Variants in CNTNAP2 observed in about 807,000 individuals in gnomAD.
CNTNAP2 encodes contactin associated protein 2.
In CNTNAP2, 98 loss-of-function variants were observed where a neutral mutation model predicts 155.2. The ratio of observed to expected loss-of-function variants is 0.63; its 90% confidence interval spans 0.54 to 0.75. The LOEUF (loss-of-function observed/expected upper bound fraction) is 0.75. CNTNAP2 is among the 30% of genes least tolerant of loss of function. The probability of loss-of-function intolerance (pLI) is 0.00; values close to 1 mark genes in which losing one functional copy is unlikely to be tolerated. For missense variants in CNTNAP2, 1,727 were observed against 1,688.1 expected (o/e 1.02, Z -0.40); for synonymous variants, 651 against 631.2 (o/e 1.03, Z -0.47).
In CNTNAP2 at chr7:146,235,718, T is replaced by G. The variant is rs529060568; in HGVS notation, c.97+118745T>G. On this transcript the variant is annotated intron_variant, in intron 1 of 23. Transcript: ENST00000361727. ...GCTGCGTGAGAAAACTCTCAGCCCG[T>G]TGGAAGTCAGGAGTGCACCACAGTG... 7.2e-5 allele frequency among the ~76,000 whole-genome samples: 11 copies of G among 152,176 alleles called. No individual in the cohort carries two copies. In the East Asian group the frequency reaches 2.1e-3, roughly 29 times the overall value.
intron 1 of CNTNAP2, among the ~76,000 whole-genome samples, chr7:146,148,471 C>A (rs917777444): frequency 3.7e-4 from 57 of 152,182 alleles, no homozygotes; most frequent in African/African-American, 1.3e-3. Flanking sequence ...CAATAGAATT[C>A]TCAATGTGGG....
intron 1 of CNTNAP2, among the ~76,000 whole-genome samples, chr7:146,424,453 C>T (rs1411857632): frequency 6.6e-6 from 1 of 152,074 alleles, no homozygotes; most frequent in Non-Finnish European, 1.5e-5. Context: ...ACAACGTGTA[C>T]GAAATGTCTA....
chr7:147,279,315 T>A (rs1218229818), intron 8 of CNTNAP2, among the ~76,000 whole-genome samples: 1 of 151,808 alleles, frequency 6.6e-6, no homozygotes, highest in African/African-American at 2.4e-5. Context: ...CGATTATTCA[T>A]TCTTAAAGCT....
At chr7:146,181,848 G>A (rs1463893552) in intron 1 of CNTNAP2, among the ~76,000 whole-genome samples, 1 of 152,134 alleles carries the variant, frequency 6.6e-6, no homozygotes, top group African/African-American at 2.4e-5. Flanking sequence ...TGCTGGTCAA[G>A]CACATATTTA....
At chr7:147,316,019 G>C (rs1241468931) in intron 9 of CNTNAP2, among the ~76,000 whole-genome samples, 1 of 151,674 alleles carries the variant, frequency 6.6e-6, no homozygotes. Context: ...ATGGAGTTTT[G>C]GGTCTTTCCA....
chr7:148,261,846 C>CA (rs1384247890), intron 20 of CNTNAP2, among the ~76,000 whole-genome samples: 2 of 152,218 alleles, frequency 1.3e-5, no homozygotes, highest in Non-Finnish European at 2.9e-5. Context: ...GCACTCTGGG[C>CA]AGAGCCTCTG....
chr7:147,059,694 C>T (rs988189035), intron 4 of CNTNAP2, among the ~76,000 whole-genome samples: 1 of 152,084 alleles, frequency 6.6e-6, no homozygotes, highest in Non-Finnish European at 1.5e-5. Flanking sequence ...GGGTGTCTGG[C>T]TCATATATAT....
chr7:148,264,602 G>T (rs1279953790), intron 20 of CNTNAP2, among the ~76,000 whole-genome samples: 1 of 151,930 alleles, frequency 6.6e-6, no homozygotes, highest in African/African-American at 2.4e-5. Flanking sequence ...TTTTTTTCCG[G>T]CAAATCTGTG....
chr7:146,831,078 G>T (rs1215629494), intron 2 of CNTNAP2, among the ~76,000 whole-genome samples: 1 of 152,052 alleles, frequency 6.6e-6, no homozygotes, highest in African/African-American at 2.4e-5. Context: ...ATTAAACAAG[G>T]ACTCAATTTT....
At chr7:147,046,846 G>A (rs985081502) in intron 4 of CNTNAP2, among the ~76,000 whole-genome samples, 13 of 151,792 alleles carry the variant, frequency 8.6e-5, no homozygotes, top group Admixed American at 3.3e-4. Context: ...TGGATAACAC[G>A]GTGAAACCCC....
chr7:148,299,618 G>A (rs958577340), intron 21 of CNTNAP2, among the ~76,000 whole-genome samples: 3 of 152,170 alleles, frequency 2.0e-5, no homozygotes, highest in East Asian at 3.8e-4. Flanking sequence ...TGCTTCCCTC[G>A]GGCCTCAGCT....
intron 13 of CNTNAP2, among the ~76,000 whole-genome samples, chr7:147,822,167 G>A (rs536022381): frequency 1.3e-5 from 2 of 152,186 alleles, no homozygotes; most frequent in South Asian, 2.1e-4. Context: ...ATGATGGAAA[G>A]TGGATGGACT....
At position 147,895,107 on chromosome 7, in the gene CNTNAP2, G is replaced by A. The variant is rs568638893; in HGVS notation, c.2099-8458G>A. On this transcript the variant is annotated intron_variant, in intron 13 of 23. Transcript: ENST00000361727. ...TGCCTCATCAGCCTCCTGAGTAGCT[G>A]GGATTACAGGTGCACACCACCACAG... 2.7e-5 allele frequency among the ~76,000 whole-genome samples: 4 copies of A among 150,822 alleles called. No individual in the cohort carries two copies. In the South Asian group the frequency reaches 6.3e-4, roughly 24 times the overall value.
intron 1 of CNTNAP2, among the ~76,000 whole-genome samples, chr7:146,651,138 A>T (rs1388768529): frequency 6.6e-6 from 1 of 152,136 alleles, no homozygotes; most frequent in Non-Finnish European, 1.5e-5. Context: ...TCATTCTCTG[A>T]GCTCATGACA....
chr7:147,282,768 A>T (rs954402208), intron 8 of CNTNAP2, among the ~76,000 whole-genome samples: 3 of 151,870 alleles, frequency 2.0e-5, no homozygotes, highest in South Asian at 4.2e-4. Flanking sequence ...ACTATTATTT[A>T]TATGTAGAGA....
At chr7:146,123,064 C>T (rs938989970) in intron 1 of CNTNAP2, among the ~76,000 whole-genome samples, 2 of 152,138 alleles carry the variant, frequency 1.3e-5, no homozygotes, top group South Asian at 2.1e-4. Context: ...TTTTATGACA[C>T]TGCAGATTTT....
chr7:147,856,759 GA>G lies in CNTNAP2; in HGVS notation c.2099-46804del, dbSNP rs1293265147. On this transcript the variant is annotated intron_variant, in intron 13 of 23. Transcript: ENST00000361727. Reference sequence around the variant, plus strand: ...TTTCTGTTAAAGGAGTAATCATACAGAACAGCTAAAATTCCAGGAATAATAA... The same window carrying G: ...TTTCTGTTAAAGGAGTAATCATACAGACAGCTAAAATTCCAGGAATAATAA... Among the ~76,000 whole-genome samples, 20 of 152,108 alleles carry G rather than the reference GA, an allele frequency of 1.3e-4. No individual in the cohort carries two copies. The East Asian group carries it at 3.7e-3, about 28-fold the overall frequency.
intron 13 of CNTNAP2, among the ~76,000 whole-genome samples, chr7:147,880,595 T>C (rs934347444): frequency 8.7e-6 from 1 of 114,300 alleles, no homozygotes; most frequent in Admixed American, 9.0e-5. Flanking sequence ...AACTTTTTCA[T>C]TGTTTGAGTT....
intron 3 of CNTNAP2, among the ~76,000 whole-genome samples, chr7:146,939,424 T>C (rs184330476): frequency 6.6e-6 from 1 of 152,322 alleles, no homozygotes; most frequent in Non-Finnish European, 1.5e-5. Flanking sequence ...AACACATAAA[T>C]AATGAAGGCG....
Sources: allele counts gnomAD v4.1 joint callset (sites outside exome capture counted in the v4.1 genomes callset), GRCh38; gene constraint gnomAD v4.1.1; transcripts MANE v1.5; gene names NCBI Gene and HGNC (gene_info 2026-07-23, HGNC 2026-07-21).